The following DACH1 variants were observed in gnomAD, a reference collection of about 807,000 sequenced individuals.
DACH1 encodes the protein dachshund homolog 1.
In DACH1, 12 loss-of-function variants were observed where a neutral mutation model predicts 54.2. The observed-to-expected ratio is 0.22, with a 90% CI of 0.14 to 0.36. The LOEUF is 0.36. Among genes scored for constraint, DACH1 ranks in the 10% least tolerant of loss-of-function variants. The pLI is 1.00. For missense variants in DACH1, 805 were observed against 929.8 expected, an observed-to-expected ratio of 0.87 and a Z score of 1.75; for synonymous variants, 386 against 366.2, an observed-to-expected ratio of 1.05 and a Z score of -0.62.
chr13:71,574,007 A>G (rs1281881215), intron 3 of DACH1, among the ~76,000 whole-genome samples: 1 of 152,218 alleles, frequency 6.6e-6, no homozygotes, highest in East Asian at 1.9e-4. Flanking sequence ...AAATGAAGCC[A>G]TTAAACGTCC....
At chr13:71,793,974 AT>A in intron 1 of DACH1, among the ~76,000 whole-genome samples, 1 of 152,102 alleles carries the variant, frequency 6.6e-6, no homozygotes, top group East Asian at 1.9e-4. Flanking sequence ...TCCATTAATA[AT>A]TTTTTCAATA....
Position 71,675,405 on chromosome 13 carries a change from T to C in DACH1, c.964+6390A>G, listed in dbSNP as rs1478352661. The C allele has an allele frequency of 3.4e-6, 5 of 1,457,316 alleles. No homozygotes were observed. In the African/African-American group the frequency reaches 7.1e-5, roughly 21 times the overall value. 90.3% of individuals were successfully genotyped at this position (1,457,316 alleles called of 1,614,324 possible). On this transcript the variant is annotated intron_variant, in intron 2 of 10. Coordinates refer to ENST00000613252, the MANE Select transcript of DACH1 (RefSeq NM_080759.6). ...AAGACACCAACCTGTGTGCTATCCA[T>C]GCCAAACGTGTAACAATTATGCCAA...
At chr13:71,659,267 G>A (rs1283807476) in intron 2 of DACH1, among the ~76,000 whole-genome samples, 1 of 151,982 alleles carries the variant, frequency 6.6e-6, no homozygotes, top group Non-Finnish European at 1.5e-5. Flanking sequence ...CTTACTGGGG[G>A]GTGGCTCACA....
chr13:71,710,452 T>TTG (rs71681955), intron 1 of DACH1, among the ~76,000 whole-genome samples: 1,885 of 140,630 alleles, frequency 0.013, 24 homozygotes, highest in African/African-American at 0.038. Flanking sequence ...TATGAGGGTT[T>TTG]TGTGTGTGTG....
chr13:71,538,729 C>T (rs1483386137), intron 6 of DACH1, among the ~76,000 whole-genome samples: 1 of 152,054 alleles, frequency 6.6e-6, no homozygotes, highest in African/African-American at 2.4e-5. Flanking sequence ...TAAAAACATA[C>T]TCAGTTTAAA....
intron 2 of DACH1, among the ~76,000 whole-genome samples, chr13:71,654,993 T>C (rs1047992505): frequency 2.0e-5 from 3 of 152,210 alleles, no homozygotes; most frequent in Non-Finnish European, 4.4e-5. Context: ...AGCATTAACT[T>C]TTTTGTGATG....
chr13:71,459,170 T>C (rs1266886788), intron 10 of DACH1, among the ~76,000 whole-genome samples: 2 of 151,948 alleles, frequency 1.3e-5, no homozygotes, highest in African/African-American at 4.8e-5. Flanking sequence ...TGCAGTACTT[T>C]AATGCAGGAT....
intron 2 of DACH1, among the ~76,000 whole-genome samples, chr13:71,645,832 TAGGG>T (rs1878226136): frequency 6.6e-6 from 1 of 152,118 alleles, no homozygotes; most frequent in Non-Finnish European, 1.5e-5. Context: ...ACATAGATCC[TAGGG>T]TAATAGAACA....
intron 2 of DACH1, among the ~76,000 whole-genome samples, chr13:71,657,459 C>T (rs1432222348): frequency 1.3e-5 from 2 of 151,792 alleles, no homozygotes; most frequent in African/African-American, 2.4e-5. Flanking sequence ...AGTGATCACA[C>T]CACTGCACTC....
At chr13:71,864,765 C>T (rs1412632712) in intron 1 of DACH1, among the ~76,000 whole-genome samples, 1 of 146,572 alleles carries the variant, frequency 6.8e-6, no homozygotes, top group Non-Finnish European at 1.5e-5. Context: ...CTTGGTAGAT[C>T]CTCCCCCACT....
intron 8 of DACH1, among the ~76,000 whole-genome samples, chr13:71,477,519 T>G (rs1385826542): frequency 6.6e-6 from 1 of 152,132 alleles, no homozygotes; most frequent in African/African-American, 2.4e-5. Context: ...AAATGTACAC[T>G]GGCTATGGTG....
chr13:71,799,492 T>C (rs924733410), intron 1 of DACH1, among the ~76,000 whole-genome samples: 1 of 152,240 alleles, frequency 6.6e-6, no homozygotes, highest in African/African-American at 2.4e-5. Context: ...CTTAATCACA[T>C]AGACAAACAG....
At chr13:71,823,469 C>T (rs1312133899) in intron 1 of DACH1, among the ~76,000 whole-genome samples, 1 of 152,088 alleles carries the variant, frequency 6.6e-6, no homozygotes, top group Non-Finnish European at 1.5e-5. Flanking sequence ...AACTTTTTCA[C>T]TGATGCACTG....
At chr13:71,709,025 T>C (rs1182222251) in intron 1 of DACH1, among the ~76,000 whole-genome samples, 2 of 151,898 alleles carry the variant, frequency 1.3e-5, no homozygotes, top group African/African-American at 4.8e-5. Flanking sequence ...ACTAATTTTT[T>C]TGTATTTTTA....
At chr13:71,579,101 T>A (rs948483828) in intron 3 of DACH1, among the ~76,000 whole-genome samples, 1 of 152,152 alleles carries the variant, frequency 6.6e-6, no homozygotes, top group African/African-American at 2.4e-5. Flanking sequence ...TAATTAGGAA[T>A]GTGAAACTCT....
chr13:71,607,747 C>T (rs1295488010), intron 3 of DACH1, among the ~76,000 whole-genome samples: 1 of 152,004 alleles, frequency 6.6e-6, no homozygotes, highest in Non-Finnish European at 1.5e-5. Context: ...CACACATGTT[C>T]CTGTTTCTGG....
At chr13:71,713,469 C>G (rs1036843123) in intron 1 of DACH1, among the ~76,000 whole-genome samples, 3 of 151,980 alleles carry the variant, frequency 2.0e-5, no homozygotes, top group African/African-American at 7.2e-5. Context: ...TAATCCCACA[C>G]ACACAAAAAA....
At chr13:71,673,848 A>G (rs1880371465) in intron 2 of DACH1, among the ~76,000 whole-genome samples, 1 of 152,236 alleles carries the variant, frequency 6.6e-6, no homozygotes, top group African/African-American at 2.4e-5. Flanking sequence ...TTTAAATTCC[A>G]TCAATTGATG....
chr13:71,605,778 G>A lies in DACH1; in HGVS notation c.1126+24778C>T, dbSNP rs187047910. On this transcript the variant is annotated intron_variant, in intron 3 of 10. Coordinates refer to ENST00000613252, the MANE Select transcript of DACH1 (RefSeq NM_080759.6). ...TTTTTCTTTCCCCATGCAGAGTCTA[G>A]AAAATATGAATTTACAACCACAGAG... 4.1e-3 allele frequency among the ~76,000 whole-genome samples: 627 copies of A among 151,872 alleles called. 3 individuals are homozygous for A. The highest frequency in any genetic ancestry group is 0.014 in the African/African-American group (597 of 41,476).
Sources: gnomAD v4.1 joint callset for allele counts (sites outside exome capture counted in the v4.1 genomes callset) on GRCh38, gnomAD v4.1.1 for gene constraint, MANE v1.5 for transcripts, NCBI Gene and HGNC (gene_info 2026-07-23, HGNC 2026-07-21) for gene names.